Variants in SPICE1 observed in about 807,000 individuals in gnomAD.
SPICE1 encodes the protein spindle and centriole-associated protein 1.
In SPICE1, 75 loss-of-function variants were observed where a neutral mutation model predicts 102.7. The observed-to-expected ratio is 0.73, with a 90% confidence interval of 0.61 to 0.88. The LOEUF (loss-of-function observed/expected upper bound fraction) is 0.88, where lower values mean the gene tolerates loss of function less well. Ranked by LOEUF, SPICE1 falls within the 40% of genes least tolerant of loss-of-function variation. SPICE1 has a pLI of 0.00. For missense variants in SPICE1, 979 were observed against 1,020.1 expected (o/e 0.96, Z 0.55); for synonymous variants, 308 against 350.3 (o/e 0.88, Z 1.35).
chr3:113,514,587 C>T, intron 1 of SPICE1: 1 of 458,146 alleles, frequency 2.2e-6, no homozygotes, highest in Admixed American at 2.4e-5. Flanking sequence ...TCTTTTCCCT[C>T]TGCTTGGAAC....
chr3:113,456,427 C>G (rs1935779669), intron 13 of SPICE1, among the ~76,000 whole-genome samples: 1 of 151,764 alleles, frequency 6.6e-6, no homozygotes, highest in Non-Finnish European at 1.5e-5. Flanking sequence ...GACTAAAGAC[C>G]TCTTTAAAAA....
At chr3:113,503,137 T>C in intron 3 of SPICE1, 43 bp downstream of exon 3, 2 of 1,583,722 alleles carry the variant, frequency 1.3e-6, no homozygotes, top group East Asian at 2.3e-5. Flanking sequence ...AAATACCAAA[T>C]AAAACACTGA....
intron 6 of SPICE1, among the ~76,000 whole-genome samples, chr3:113,491,624 C>CAAAAAAAAA (rs869171154): frequency 0.019 from 706 of 38,086 alleles, 82 homozygotes; most frequent in Non-Finnish European, 0.029. Context: ...GACTCCGTCT[C>CAAAAAAAAA]AAAAAAAAAA....
chr3:113,458,599 A>T (rs549475924), intron 12 of SPICE1, among the ~76,000 whole-genome samples: 2 of 152,160 alleles, frequency 1.3e-5, no homozygotes, highest in Non-Finnish European at 2.9e-5. Context: ...TGGCCTCCCA[A>T]AGTGCCGAGA....
intron 7 of SPICE1, among the ~76,000 whole-genome samples, chr3:113,477,451 A>C (rs563728314): frequency 6.6e-6 from 1 of 151,380 alleles, no homozygotes; most frequent in South Asian, 2.1e-4. Context: ...TACCCAGAGG[A>C]CTATAAATCA....
chr3:113,458,809 C>T (rs1935850092), intron 12 of SPICE1, among the ~76,000 whole-genome samples: 1 of 151,354 alleles, frequency 6.6e-6, no homozygotes, highest in Admixed American at 6.6e-5. Context: ...ATGTGGGGAG[C>T]GTCTCTGCCC....
intron 10 of SPICE1, among the ~76,000 whole-genome samples, chr3:113,466,894 C>T (rs1305164027): frequency 6.6e-6 from 1 of 151,966 alleles, no homozygotes; most frequent in African/African-American, 2.4e-5. Context: ...AAAAAAAATA[C>T]AAAAATTAGC....
chr3:113,496,913 G>T (rs575639486), intron 4 of SPICE1, among the ~76,000 whole-genome samples: 1 of 152,254 alleles, frequency 6.6e-6, no homozygotes, highest in South Asian at 2.1e-4. Context: ...CATTTTCAAG[G>T]ATATTTATTA....
chr3:113,449,800 T>C (rs1193467144), intron 15 of SPICE1: 1 of 154,650 alleles, frequency 6.5e-6, no homozygotes, highest in African/African-American at 2.4e-5. Flanking sequence ...CAATTTCTGA[T>C]AAAAAGCAAC....
chr3:113,510,890 G>C (rs1937207113), intron 1 of SPICE1, among the ~76,000 whole-genome samples: 1 of 152,076 alleles, frequency 6.6e-6, no homozygotes, highest in Non-Finnish European at 1.5e-5. Context: ...CTAATATCCA[G>C]AGTCTACAAG....
At position 113,473,027 on chromosome 3, in the gene SPICE1, A is replaced by G. The variant is rs868352486; in HGVS notation, c.612-3789T>C. Among the ~76,000 whole-genome samples, 856 of 152,318 alleles carry G rather than the reference A, an allele frequency of 5.6e-3. 8 individuals carry two copies. The highest frequency in any genetic ancestry group is 0.018 in the African/African-American group (761 of 41,582). On this transcript the variant is annotated intron_variant, in intron 7 of 17. Transcript: ENST00000295872. The stretch of plus-strand genomic sequence containing the variant: ...AATTCAAACCAAAGGCAAAGAAGTT[A>G]AAAACTTTGAAAAAAATTTAGATGA...
At chr3:113,459,155 CTAAGGGTTAA>C (rs1028459345) in intron 12 of SPICE1, among the ~76,000 whole-genome samples, 5 of 152,156 alleles carry the variant, frequency 3.3e-5, no homozygotes, top group African/African-American at 1.2e-4. Flanking sequence ...GCTGTGTCCA[CTAAGGGTTAA>C]ACGGATTAAG....
chr3:113,474,241 C>T (rs1936282404), intron 7 of SPICE1, among the ~76,000 whole-genome samples: 2 of 151,954 alleles, frequency 1.3e-5, no homozygotes, highest in Admixed American at 6.6e-5. Context: ...AGCTAACTAT[C>T]CTAAATATAT....
chr3:113,474,503 T>C (rs147499207), intron 7 of SPICE1, among the ~76,000 whole-genome samples: 9,042 of 152,178 alleles, frequency 0.059, 343 homozygotes, highest in African/African-American at 0.1. Context: ...CAGCACCACA[T>C]GACACCTATT....
At chr3:113,495,042 C>A (rs565483778) in intron 4 of SPICE1, among the ~76,000 whole-genome samples, 1 of 152,256 alleles carries the variant, frequency 6.6e-6, no homozygotes, top group African/African-American at 2.4e-5. Context: ...AAATGTGAGG[C>A]CTCTGTGTTT....
At chr3:113,460,065 G>GT (rs1935890408) in intron 12 of SPICE1, 1 of 985,296 alleles carries the variant, frequency 1.0e-6, no homozygotes, top group Non-Finnish European at 1.2e-6. Flanking sequence ...TTACTTAAAA[G>GT]TAAAACACAT....
At chr3:113,447,426 ACTCT>A (rs1231262037) in intron 16 of SPICE1, among the ~76,000 whole-genome samples, 1 of 152,086 alleles carries the variant, frequency 6.6e-6, no homozygotes, top group Non-Finnish European at 1.5e-5. Flanking sequence ...ATCAGGGTTC[ACTCT>A]CTGTGTTACA....
At chr3:113,462,266 T>C (rs930716230) in intron 11 of SPICE1, among the ~76,000 whole-genome samples, 4 of 152,342 alleles carry the variant, frequency 2.6e-5, no homozygotes, top group Middle Eastern at 3.4e-3. Flanking sequence ...TCTAGTCCCA[T>C]ACTGTTCCCA....
rs1044876540 is a variant in SPICE1, at chr3:113,450,443, A to G, written c.2216T>C (p.Met739Thr). Residue 739 changes from methionine (M) to threonine (T), a missense_variant, in exon 15 of 18, where the codon ATG becomes ACG. Transcript: ENST00000295872. Reference sequence around the variant, plus strand: ...CTGCAGTAGTTTTCCACGAGCCTCCATACTTTGTCGATTCAATTCTGCAAT... The same window carrying G: ...CTGCAGTAGTTTTCCACGAGCCTCCGTACTTTGTCGATTCAATTCTGCAAT... ...ERIAELNRQS[M>T]EARGKLLQLI... 1.8e-5 allele frequency: 29 copies of G among 1,613,910 alleles called. No homozygotes were observed. The highest frequency in any genetic ancestry group is 2.4e-5 in the Non-Finnish European group (28 of 1,179,988).
Sources: allele counts gnomAD v4.1 joint callset (sites outside exome capture counted in the v4.1 genomes callset), GRCh38; gene constraint gnomAD v4.1.1; transcripts MANE v1.5; gene names NCBI Gene and HGNC (gene_info 2026-07-23, HGNC 2026-07-21).